The following DDB2 variants were observed in gnomAD, a reference collection of about 807,000 sequenced individuals.
The protein encoded by DDB2 is damage specific DNA binding protein 2.
DDB2 carries 27 observed loss-of-function variants against 50.5 expected under a neutral mutation model. That is an observed-to-expected ratio of 0.53 (90% CI 0.39 to 0.74). DDB2 has a LOEUF of 0.74. Ranked by LOEUF, DDB2 falls within the 30% of genes least tolerant of loss-of-function variation. The pLI is 0.00. For synonymous variants in DDB2, 176 were observed against 205.5 expected (o/e 0.86, Z 1.23); for missense variants, 424 against 545.6 (o/e 0.78, Z 2.22).
chr11:47,226,278 C>CT lies in DDB2; in HGVS notation c.457-6521dup, dbSNP rs759607243. Among the ~76,000 whole-genome samples the CT allele has an allele frequency of 2.7e-3, 377 of 139,240 alleles. 3 individuals carry two copies. The highest frequency in any genetic ancestry group is 0.01 in the South Asian group (46 of 4,390). The allele number at this position is 139,240 out of a possible 152,430, so 91.3% of individuals were successfully genotyped here. A position where few individuals can be genotyped will look rare whatever the true frequency, so the allele number is the denominator to read the frequency against. ...CTACTTCCCCACCAACATTTATTTTCTTTTTTTTTTTTTTTGAGATGAAGT... is the reference window on the plus strand; with the variant it reads ...CTACTTCCCCACCAACATTTATTTTCTTTTTTTTTTTTTTTTGAGATGAAGT... On this transcript the variant is annotated intron_variant, in intron 3 of 9. Transcript: ENST00000256996.
chr11:47,228,065 G>T (rs1953585058), intron 3 of DDB2, among the ~76,000 whole-genome samples: 1 of 150,404 alleles, frequency 6.6e-6, no homozygotes, highest in African/African-American at 2.5e-5. Flanking sequence ...GTTTGAACTT[G>T]GGAAGTGGAG....
intron 3 of DDB2, among the ~76,000 whole-genome samples, chr11:47,219,361 TA>T (rs1351083959): frequency 6.6e-6 from 1 of 152,002 alleles, no homozygotes; most frequent in Admixed American, 6.6e-5. Context: ...AGAACTTCAT[TA>T]TTTTTTTTTA....
intron 3 of DDB2, among the ~76,000 whole-genome samples, chr11:47,221,276 ATT>A (rs573725356): frequency 3.5e-5 from 5 of 143,212 alleles, no homozygotes; most frequent in African/African-American, 7.7e-5. Context: ...TGTGTACACT[ATT>A]TTTTTTTTTT....
intron 4 of DDB2, among the ~76,000 whole-genome samples, chr11:47,233,793 A>G (rs1323918559): frequency 6.6e-6 from 1 of 151,992 alleles, no homozygotes; most frequent in African/African-American, 2.4e-5. Context: ...CTGAGGAATT[A>G]AGTGAGGGTG....
At chr11:47,235,926 CTTTTTTTTTT>C (rs10677833) in intron 7 of DDB2, 4 of 61,844 alleles carry the variant, frequency 6.5e-5, no homozygotes, top group Admixed American at 5.9e-4. Context: ...CAGGCTGATC[CTTTTTTTTTT>C]TTTTTTTTTT....
chr11:47,238,719 A>G, intron 9 of DDB2, 81 bp from the exon 10 acceptor site: 3 of 1,514,374 alleles, frequency 2.0e-6, no homozygotes, highest in Non-Finnish European at 2.7e-6. Flanking sequence ...TCTTTACCAA[A>G]TTGTAGGTTT....
Position 47,238,938 on chromosome 11 carries a change from G to T in DDB2, c.*89G>T. Reference sequence around the variant, plus strand: ...CAAGCAGAGGTGGCGATTTGTTAAAGGGCCAAAAGTATCCAAGGTTAGGGT... The same window carrying T: ...CAAGCAGAGGTGGCGATTTGTTAAATGGCCAAAAGTATCCAAGGTTAGGGT... On this transcript the variant is annotated 3_prime_UTR_variant, in exon 10 of 10. Transcript: ENST00000256996. 7.1e-7 allele frequency: 1 copy of T among 1,400,964 alleles called. No homozygotes were observed. The highest frequency in any genetic ancestry group is 1.0e-6 in the Non-Finnish European group (1 of 999,942). The allele number at this position is 1,400,964 out of a possible 1,614,324, so 86.8% of individuals were successfully genotyped here. A position where few individuals can be genotyped will look rare whatever the true frequency, so the allele number is the denominator to read the frequency against.
Position 47,234,684 on chromosome 11 carries a change from G to A in DDB2, c.702+12G>A, listed in dbSNP as rs55847708. Reference sequence around the variant, plus strand: ...TGGACGGCAAAGAGGTGCGTTCTCCGAGGTCCTGCCTTTCCCTCCCTCACC... The same window carrying A: ...TGGACGGCAAAGAGGTGCGTTCTCCAAGGTCCTGCCTTTCCCTCCCTCACC... On this transcript the variant is annotated intron_variant, in intron 5 of 9. Coordinates refer to ENST00000256996, the MANE Select transcript of DDB2 (RefSeq NM_000107.3). 3.2e-5 allele frequency: 51 copies of A among 1,613,852 alleles called. No homozygotes were observed. Among genetic ancestry groups the A allele is most frequent in the Non-Finnish European group, 3.3e-5 (39 of 1,179,928 alleles).
intron 3 of DDB2, among the ~76,000 whole-genome samples, chr11:47,229,963 T>A (rs1056851347): frequency 6.6e-6 from 1 of 151,678 alleles, no homozygotes; most frequent in Non-Finnish European, 1.5e-5. Flanking sequence ...CTCGAATAGC[T>A]ATGAGCACAG....
At chr11:47,236,985 G>A (rs982655498) in intron 7 of DDB2, among the ~76,000 whole-genome samples, 1 of 152,186 alleles carries the variant, frequency 6.6e-6, no homozygotes, top group Non-Finnish European at 1.5e-5. Context: ...AGAAGTTTAG[G>A]AAAATCCCAT....
chr11:47,215,030 T>A lies in DDB2; in HGVS notation c.-107T>A. 1 of 1,554,344 alleles carries A rather than the reference T, an allele frequency of 6.4e-7. No homozygotes were observed. The highest frequency in any genetic ancestry group is 8.9e-7 in the Non-Finnish European group (1 of 1,129,368). Reference sequence around the variant, plus strand: ...GAAGTTGGCTTAGCTCGGCTACCTGTGGCCCCGCAGTTTTGTAGTCCCCGC... The same window carrying A: ...GAAGTTGGCTTAGCTCGGCTACCTGAGGCCCCGCAGTTTTGTAGTCCCCGC... On this transcript the variant is annotated 5_prime_UTR_variant, in exon 1 of 10. Transcript: ENST00000256996.
At chr11:47,224,668 T>C (rs2135496076) in intron 3 of DDB2, among the ~76,000 whole-genome samples, 1 of 152,322 alleles carries the variant, frequency 6.6e-6, no homozygotes, top group Admixed American at 6.5e-5. Context: ...TCTTTTTCCC[T>C]GTTTCATTTT....
At position 47,234,796 on chromosome 11, in the gene DDB2, G is replaced by A; in HGVS notation, c.742G>A (p.Val248Met). The change falls in exon 6 of 10, where the codon GTG becomes ATG. Residue 248 changes from valine to methionine, a missense_variant. Physicochemically the swap from Val to Met is conservative, Grantham distance 21 (BLOSUM62 1). Coordinates refer to ENST00000256996, the MANE Select transcript of DDB2 (RefSeq NM_000107.3). ...LRMHKKKVTH[V>M]ALNPCCDWFL... ...AATGCACAAAAAGAAAGTGACGCAT[G>A]TGGCCCTGAACCCATGCTGTGATTG... 2 of 1,614,212 alleles carry A rather than the reference G, an allele frequency of 1.2e-6. No homozygotes were observed. Among genetic ancestry groups the A allele is most frequent in the South Asian group, 2.2e-5 (2 of 91,086 alleles).
chr11:47,223,271 G>A (rs1013494925), intron 3 of DDB2, among the ~76,000 whole-genome samples: 5 of 151,974 alleles, frequency 3.3e-5, no homozygotes, highest in Non-Finnish European at 5.9e-5. Flanking sequence ...GATCATTTGC[G>A]ATCATGAGTT....
intron 3 of DDB2, 69 bp from the exon 4 acceptor site, chr11:47,232,745 T>C: frequency 6.3e-7 from 1 of 1,579,550 alleles, no homozygotes; most frequent in East Asian, 2.2e-5. Flanking sequence ...GCGCAGCATG[T>C]GTGCCCAGGC....
chr11:47,235,579 C>A, intron 7 of DDB2, 167 bp downstream of exon 7: 1 of 679,944 alleles, frequency 1.5e-6, no homozygotes. Context: ...TTCCTTTTAT[C>A]CCACTTCTGC....
At chr11:47,228,793 C>T (rs1565154391) in intron 3 of DDB2, among the ~76,000 whole-genome samples, 1 of 151,752 alleles carries the variant, frequency 6.6e-6, no homozygotes, top group African/African-American at 2.4e-5. Context: ...TCCATCTCTC[C>T]TAAAAATACA....
intron 3 of DDB2, among the ~76,000 whole-genome samples, chr11:47,227,176 G>A (rs1294356402): frequency 3.4e-5 from 4 of 116,842 alleles, no homozygotes; most frequent in Non-Finnish European, 6.4e-5. Context: ...GCTCAATCTC[G>A]GCTCACTGCA....
At chr11:47,216,055 C>T (rs2135484423) in intron 1 of DDB2, 1 of 533,684 alleles carries the variant, frequency 1.9e-6, no homozygotes, top group Admixed American at 2.9e-5. Context: ...TGTACTTTAT[C>T]CTTGTGTGTT....
Sources: allele counts gnomAD v4.1 joint callset (sites outside exome capture counted in the v4.1 genomes callset), GRCh38; gene constraint gnomAD v4.1.1; transcripts MANE v1.5; gene names NCBI Gene and HGNC (gene_info 2026-07-23, HGNC 2026-07-21).